Variants in EZH2 observed in about 807,000 individuals in gnomAD.
EZH2 encodes the protein enhancer of zeste 2 polycomb repressive complex 2 subunit.
In EZH2, 18 loss-of-function variants were observed where a neutral mutation model predicts 98.4. The observed-to-expected ratio is 0.18, with a 90% CI of 0.13 to 0.27. The LOEUF (loss-of-function observed/expected upper bound fraction) is 0.27, where lower values mean the gene tolerates loss of function less well. EZH2 is among the 10% of genes least tolerant of loss of function. The pLI, the probability that EZH2 is intolerant of heterozygous loss-of-function variation, is 1.00. For missense variants in EZH2, 470 were observed against 935.1 expected (o/e 0.50, Z 6.49); for synonymous variants, 338 against 312.3 (o/e 1.08, Z -0.87).
rs201501186 is a variant in EZH2 at position 148,820,622 on chromosome 7, G to A, written c.908-935C>T. On this transcript the variant is annotated intron_variant, in intron 8 of 19. Coordinates refer to ENST00000320356, the MANE Select transcript of EZH2 (RefSeq NM_004456.5). ...TCAAGGCTCAGATTCTGTTGGAAGC[G>A]TGTGAGCAATTAGGCTCCAGACAGC... Among the ~76,000 whole-genome samples the A allele has an allele frequency of 9.9e-5, 15 of 151,620 alleles. No individual in the cohort carries two copies. The East Asian group carries it at 1.5e-3, about 16-fold the overall frequency.
chr7:148,811,496 A>G, intron 16 of EZH2, 129 bp downstream of exon 16: 1 of 698,930 alleles, frequency 1.4e-6, no homozygotes. Context: ...GCAGAAGTCC[A>G]GGCTGAAAAG....
chr7:148,819,550 A>G (rs1201617388), intron 9 of EZH2, 46 bp downstream of exon 9: 1 of 1,510,046 alleles, frequency 6.6e-7, no homozygotes, highest in Non-Finnish European at 9.2e-7. Context: ...CCAAAGTGCA[A>G]AGTCCTCTCA....
At chr7:148,834,155 G>A (rs1810201016) in intron 3 of EZH2, among the ~76,000 whole-genome samples, 2 of 152,030 alleles carry the variant, frequency 1.3e-5, no homozygotes, top group Admixed American at 1.3e-4. Context: ...GTATAACTCT[G>A]TGCCTAAATA....
In EZH2 at chr7:148,808,729, T is replaced by G. The variant is rs189019284; in HGVS notation, c.2195+342A>C. ...TAAAACCATGTTGCAGAAAAATCTA[T>G]AGGACAGTGTGATCGCACTTATCTG... On this transcript the variant is annotated intron_variant, in intron 19 of 19. Coordinates refer to ENST00000320356, the MANE Select transcript of EZH2 (RefSeq NM_004456.5). Among the ~76,000 whole-genome samples, 277 of 152,294 alleles carry G rather than the reference T, an allele frequency of 1.8e-3. 1 individual carries two copies. The highest frequency in any genetic ancestry group is 5.4e-3 in the Admixed American group (83 of 15,302).
At chr7:148,807,789 G>GATAAA in intron 19 of EZH2, 83 bp from the exon 20 acceptor site, 1 of 605,276 alleles carries the variant, frequency 1.7e-6, no homozygotes, top group Non-Finnish European at 2.8e-6. Context: ...GCCTGCTGAA[G>GATAAA]ATAGTGGGTG....
chr7:148,861,111 A>C (rs916415986), intron 1 of EZH2, among the ~76,000 whole-genome samples: 4 of 152,216 alleles, frequency 2.6e-5, no homozygotes, highest in African/African-American at 9.6e-5. Context: ...CAGTATTTGC[A>C]TATAACCTAT....
chr7:148,858,185 G>A (rs558960281), intron 1 of EZH2, among the ~76,000 whole-genome samples: 4 of 151,900 alleles, frequency 2.6e-5, no homozygotes, highest in South Asian at 2.1e-4. Flanking sequence ...CCAGCTACTC[G>A]GGAGGCTGAG....
chr7:148,882,049 CTTA>C (rs1821077223), intron 1 of EZH2, among the ~76,000 whole-genome samples: 1 of 151,552 alleles, frequency 6.6e-6, no homozygotes, highest in Non-Finnish European at 1.5e-5. Flanking sequence ...GCATAACTAC[CTTA>C]TCTCATAATG....
intron 3 of EZH2, among the ~76,000 whole-genome samples, chr7:148,845,720 C>T (rs377700179): frequency 1.4e-4 from 22 of 152,314 alleles, no homozygotes; most frequent in South Asian, 1.2e-3. Flanking sequence ...AAACAATCTA[C>T]TACATAGTGC....
intron 12 of EZH2, among the ~76,000 whole-genome samples, chr7:148,815,831 T>A (rs907728442): frequency 6.6e-6 from 1 of 152,244 alleles, no homozygotes; most frequent in African/African-American, 2.4e-5. Flanking sequence ...TGTGTCTGCC[T>A]GTTGATTTAT....
chr7:148,839,521 T>C (rs1811863677), intron 3 of EZH2, among the ~76,000 whole-genome samples: 1 of 125,022 alleles, frequency 8.0e-6, no homozygotes, highest in African/African-American at 2.9e-5. Flanking sequence ...AGAAATAACA[T>C]CAAAATGGGG....
At chr7:148,829,651 G>A in intron 5 of EZH2, 77 bp downstream of exon 5, 4 of 1,483,634 alleles carry the variant, frequency 2.7e-6, no homozygotes, top group East Asian at 4.8e-5. Flanking sequence ...TTTTTCTCAT[G>A]CCCTATATGC....
At chr7:148,844,050 A>T (rs1813284347) in intron 3 of EZH2, among the ~76,000 whole-genome samples, 2 of 152,068 alleles carry the variant, frequency 1.3e-5, no homozygotes, top group Non-Finnish European at 1.5e-5. Context: ...TGGCACTTCA[A>T]ATGTTGAATG....
chr7:148,880,880 G>A (rs1238289033), intron 1 of EZH2, among the ~76,000 whole-genome samples: 1 of 152,198 alleles, frequency 6.6e-6, no homozygotes, highest in Non-Finnish European at 1.5e-5. Context: ...TTTGACTGTA[G>A]GGAAGAGAGG....
At chr7:148,849,919 G>A (rs2129486089) in intron 1 of EZH2, among the ~76,000 whole-genome samples, 1 of 152,308 alleles carries the variant, frequency 6.6e-6, no homozygotes, top group East Asian at 1.9e-4. Flanking sequence ...TAGTCCATCT[G>A]CTGCCTAGAC....
At chr7:148,877,043 G>A (rs978236729) in intron 1 of EZH2, among the ~76,000 whole-genome samples, 3 of 151,966 alleles carry the variant, frequency 2.0e-5, no homozygotes, top group Admixed American at 2.0e-4. Flanking sequence ...CATATAGTGA[G>A]CCCTAAAGGA....
Position 148,817,993 on chromosome 7 carries a change from ATGG to A in EZH2, c.1121_1123del (p.Thr374del). 1 of 1,614,016 alleles carries A rather than the reference ATGG, an allele frequency of 6.2e-7. No individual in the cohort carries two copies. Among genetic ancestry groups the A allele is most frequent in the South Asian group, 1.1e-5 (1 of 91,076 alleles). ...TGTATCCTTTGATTCCAGCACATTA[ATGG>A]TGGGGGTGCTGGGCCTGCTACTGTT... On this transcript the variant is annotated inframe_deletion, in exon 10 of 20. Coordinates refer to ENST00000320356, the MANE Select transcript of EZH2 (RefSeq NM_004456.5).
chr7:148,874,813 C>T (rs1680476989), intron 1 of EZH2, among the ~76,000 whole-genome samples: 1 of 151,194 alleles, frequency 6.6e-6, no homozygotes, highest in Admixed American at 6.6e-5. Context: ...AGGAGAACAG[C>T]GTGAACCCAG....
intron 1 of EZH2, among the ~76,000 whole-genome samples, chr7:148,860,199 T>G (rs560798894): frequency 6.6e-6 from 1 of 152,258 alleles, no homozygotes; most frequent in South Asian, 2.1e-4. Context: ...AAAATTAAAG[T>G]TGAATTAACC....
Sources: allele counts gnomAD v4.1 joint callset (sites outside exome capture counted in the v4.1 genomes callset), GRCh38; gene constraint gnomAD v4.1.1; transcripts MANE v1.5; gene names NCBI Gene and HGNC (gene_info 2026-07-23, HGNC 2026-07-21).